The following EYA4 variants were observed in gnomAD, a reference collection of about 807,000 sequenced individuals.
EYA4 encodes protein phosphatase EYA4.
EYA4 carries 31 observed loss-of-function variants against 87.9 expected under a neutral mutation model. The observed-to-expected ratio is 0.35, with a 90% CI of 0.27 to 0.48. The LOEUF (loss-of-function observed/expected upper bound fraction) is 0.48. EYA4 is among the 20% of genes least tolerant of loss of function. The pLI is 0.99. For missense variants in EYA4, 678 were observed against 761.4 expected, an observed-to-expected ratio of 0.89 and a Z score of 1.29; for synonymous variants, 263 against 270.6, an observed-to-expected ratio of 0.97 and a Z score of 0.28.
At position 133,529,129 on chromosome 6, in the gene EYA4, A is replaced by C. The variant is rs1800857360; in HGVS notation, c.*324A>C. 4.2e-6 allele frequency: 5 copies of C among 1,192,798 alleles called. No individual in the cohort carries two copies. The highest frequency in any genetic ancestry group is 1.6e-5 in the African/African-American group (1 of 62,892). The allele number at this position is 1,192,798 out of a possible 1,614,324, so 73.9% of individuals were successfully genotyped here. On this transcript the variant is annotated 3_prime_UTR_variant, in exon 20 of 20. Transcript: ENST00000355286. ...TCTTACCCTGGCAAAGCAGCAACAC[A>C]CATGCTCCGTCTGACAAGGTGGTCA...
At chr6:133,394,246 A>G (rs1016974896) in intron 3 of EYA4, among the ~76,000 whole-genome samples, 2 of 149,950 alleles carry the variant, frequency 1.3e-5, no homozygotes, top group Non-Finnish European at 3.0e-5. Context: ...AGAATCTCCA[A>G]CATAAGAATA....
rs1456278008 is a variant in EYA4, at chr6:133,468,546, C to T, written c.805-20C>T. On this transcript the variant is annotated intron_variant, in intron 10 of 19. Coordinates refer to ENST00000355286, the MANE Select transcript of EYA4 (RefSeq NM_004100.5). ...GAGTAATTTCTCTTTCAAACACACACATCTCAATTATTGTTTCAGGATTAT... is the reference window on the plus strand; with the variant it reads ...GAGTAATTTCTCTTTCAAACACACATATCTCAATTATTGTTTCAGGATTAT... The T allele has an allele frequency of 2.5e-6, 4 of 1,585,750 alleles. No homozygotes were observed. Among genetic ancestry groups the T allele is most frequent in the Non-Finnish European group, 8.7e-7 (1 of 1,155,194 alleles).
chr6:133,517,852 G>C (rs934617287), intron 17 of EYA4, among the ~76,000 whole-genome samples: 1 of 152,208 alleles, frequency 6.6e-6, no homozygotes, highest in African/African-American at 2.4e-5. Context: ...AGTCAGAAGA[G>C]TCATGTGCAG....
At chr6:133,432,261 G>T (rs1215417818) in intron 3 of EYA4, among the ~76,000 whole-genome samples, 2 of 152,178 alleles carry the variant, frequency 1.3e-5, no homozygotes, top group African/African-American at 4.8e-5. Context: ...CAAGGACCAG[G>T]TGGAGCAGTT....
At position 133,336,556 on chromosome 6, in the gene EYA4, C is replaced by T. The variant is rs867839193; in HGVS notation, c.34-45836C>T. On this transcript the variant is annotated intron_variant, in intron 2 of 19. Coordinates refer to ENST00000355286, the MANE Select transcript of EYA4 (RefSeq NM_004100.5). The stretch of plus-strand genomic sequence containing the variant: ...AGAATCCTAGAGTGGATATTTCAGA[C>T]AAGATTAAAGACATGCAACAGCCAA... Among the ~76,000 whole-genome samples, 80 of 152,242 alleles carry T rather than the reference C, an allele frequency of 5.3e-4. 1 individual carries two copies. The highest frequency in any genetic ancestry group is 6.8e-3 in the Middle Eastern group (2 of 292).
At chr6:133,323,941 C>G (rs928882534) in intron 2 of EYA4, among the ~76,000 whole-genome samples, 9 of 152,048 alleles carry the variant, frequency 5.9e-5, no homozygotes, top group Non-Finnish European at 1.2e-4. Flanking sequence ...GGTGGTCACT[C>G]TTATTTCTCA....
chr6:133,515,112 A>G (rs1799475461), intron 16 of EYA4, among the ~76,000 whole-genome samples: 1 of 152,218 alleles, frequency 6.6e-6, no homozygotes, highest in Non-Finnish European at 1.5e-5. Flanking sequence ...ACTACCTGAG[A>G]CCTAGAAGTT....
chr6:133,346,956 A>C (rs909904413), intron 2 of EYA4, among the ~76,000 whole-genome samples: 10 of 151,618 alleles, frequency 6.6e-5, no homozygotes, highest in Non-Finnish European at 1.2e-4. Context: ...GGTAATACTG[A>C]CATTGTAAAG....
chr6:133,432,762 A>C (rs1791303303), intron 3 of EYA4, among the ~76,000 whole-genome samples: 1 of 151,996 alleles, frequency 6.6e-6, no homozygotes, highest in African/African-American at 2.4e-5. Flanking sequence ...ATCACATTTC[A>C]CATTCTGATC....
At position 133,327,150 on chromosome 6, in the gene EYA4, T is replaced by A. The variant is rs148390036; in HGVS notation, c.33+52337T>A. 5.4e-3 allele frequency among the ~76,000 whole-genome samples: 818 copies of A among 152,286 alleles called. 3 individuals are homozygous for A. Among genetic ancestry groups the A allele is most frequent in the Middle Eastern group, 0.024 (7 of 294 alleles). On this transcript the variant is annotated intron_variant, in intron 2 of 19. Coordinates refer to ENST00000355286, the MANE Select transcript of EYA4 (RefSeq NM_004100.5). ...AAAATTTATTTTATTTTATTTTTATTTTTTTGAGACAGAGTCTCGCTTTTT... is the reference window on the plus strand; with the variant it reads ...AAAATTTATTTTATTTTATTTTTATATTTTTGAGACAGAGTCTCGCTTTTT...
At chr6:133,499,650 C>T (rs1227479685) in intron 13 of EYA4, among the ~76,000 whole-genome samples, 2 of 152,136 alleles carry the variant, frequency 1.3e-5, no homozygotes. Flanking sequence ...GCTAGCTTTT[C>T]ACCTTTACCA....
chr6:133,403,847 G>T (rs1788467155), intron 3 of EYA4, among the ~76,000 whole-genome samples: 1 of 152,160 alleles, frequency 6.6e-6, no homozygotes, highest in Non-Finnish European at 1.5e-5. Flanking sequence ...TTTCGCCTTT[G>T]TTACCCAGGC....
chr6:133,372,615 A>G (rs1785355314), intron 2 of EYA4, among the ~76,000 whole-genome samples: 2 of 151,830 alleles, frequency 1.3e-5, no homozygotes, highest in South Asian at 4.1e-4. Flanking sequence ...AAAATAAAGA[A>G]CTTGATGCCA....
At chr6:133,308,433 T>G (rs1027810305) in intron 2 of EYA4, among the ~76,000 whole-genome samples, 2 of 152,214 alleles carry the variant, frequency 1.3e-5, no homozygotes, top group Non-Finnish European at 2.9e-5. Context: ...TGTGTAAGTT[T>G]GTGACATGGG....
chr6:133,406,920 A>G (rs1280802072), intron 3 of EYA4, among the ~76,000 whole-genome samples: 1 of 152,238 alleles, frequency 6.6e-6, no homozygotes, highest in Non-Finnish European at 1.5e-5. Flanking sequence ...AAAGCTGAAT[A>G]GAAAAATAAT....
At chr6:133,494,512 T>C (rs1797458064) in intron 13 of EYA4, among the ~76,000 whole-genome samples, 2 of 151,986 alleles carry the variant, frequency 1.3e-5, no homozygotes, top group Admixed American at 6.6e-5. Context: ...TCAGGGTGAC[T>C]GTAGTCAACA....
At chr6:133,420,696 A>G (rs1193604360) in intron 3 of EYA4, among the ~76,000 whole-genome samples, 2 of 152,254 alleles carry the variant, frequency 1.3e-5, no homozygotes, top group Non-Finnish European at 1.5e-5. Context: ...TGTAAATACA[A>G]GAAAAATCAA....
chr6:133,274,690 C>T, intron 1 of EYA4, 26 bp from the exon 2 acceptor site: 1 of 1,054,834 alleles, frequency 9.5e-7, no homozygotes, highest in Non-Finnish European at 1.5e-6. Flanking sequence ...ACATTTTTCC[C>T]CTTTGTTTCC....
intron 1 of EYA4, among the ~76,000 whole-genome samples, chr6:133,260,683 CACAGATGCAGTAA>C (rs1186098664): frequency 6.6e-6 from 1 of 152,020 alleles, no homozygotes; most frequent in African/African-American, 2.4e-5. Flanking sequence ...GTTTCCATAC[CACAGATGCAGTAA>C]ACATTTAGAA....
Sources: gnomAD v4.1 joint callset for allele counts (sites outside exome capture counted in the v4.1 genomes callset) on GRCh38, gnomAD v4.1.1 for gene constraint, MANE v1.5 for transcripts, NCBI Gene and HGNC (gene_info 2026-07-23, HGNC 2026-07-21) for gene names.